The following ME3 variants were observed in gnomAD, a reference collection of about 807,000 sequenced individuals.
ME3 encodes NADP-dependent malic enzyme, mitochondrial.
In ME3, 48 loss-of-function variants were observed where a neutral mutation model predicts 68.9. The ratio of observed to expected loss-of-function variants is 0.70; its 90% CI spans 0.55 to 0.89. ME3 has a LOEUF of 0.89. Ranked by LOEUF, ME3 falls within the 40% of genes least tolerant of loss-of-function variation. ME3 has a pLI of 0.00. For synonymous variants in ME3, 320 were observed against 318.8 expected (o/e 1.00, Z -0.04); for missense variants, 675 against 797.4 (o/e 0.85, Z 1.85).
chr11:86,650,633 T>C (rs1594783739), intron 2 of ME3, among the ~76,000 whole-genome samples: 2 of 152,060 alleles, frequency 1.3e-5, no homozygotes, highest in African/African-American at 2.4e-5. Flanking sequence ...GATGGCCAAA[T>C]AGGAACAGCT....
chr11:86,603,608 G>T (rs1299081571), intron 2 of ME3, among the ~76,000 whole-genome samples: 1 of 152,066 alleles, frequency 6.6e-6, no homozygotes, highest in Non-Finnish European at 1.5e-5. Context: ...TATACCCAAA[G>T]GACTATAAAT....
chr11:86,506,877 T>C (rs188207395), intron 5 of ME3, among the ~76,000 whole-genome samples: 2 of 152,326 alleles, frequency 1.3e-5, no homozygotes, highest in East Asian at 1.9e-4. Flanking sequence ...GATTTTATTA[T>C]AGATTCATGC....
At chr11:86,498,244 A>T in intron 5 of ME3, 120 bp from the exon 6 acceptor site, 1 of 1,214,672 alleles carries the variant, frequency 8.2e-7, no homozygotes, top group Non-Finnish European at 1.1e-6. Context: ...GCCGGTGTGA[A>T]AGAGCTTGTC....
chr11:86,547,664 CA>C (rs879924183), intron 4 of ME3, among the ~76,000 whole-genome samples: 3 of 151,374 alleles, frequency 2.0e-5, no homozygotes, highest in Non-Finnish European at 4.4e-5. Flanking sequence ...AAACCAAAAA[CA>C]AAAAAAATAA....
chr11:86,663,847 A>G (rs1195570001), intron 2 of ME3, among the ~76,000 whole-genome samples: 1 of 152,238 alleles, frequency 6.6e-6, no homozygotes, highest in African/African-American at 2.4e-5. Flanking sequence ...AACGCCATAT[A>G]TGGAGCCCAG....
intron 4 of ME3, among the ~76,000 whole-genome samples, chr11:86,529,918 G>C (rs1285168749): frequency 6.6e-6 from 1 of 152,150 alleles, no homozygotes; most frequent in Non-Finnish European, 1.5e-5. Flanking sequence ...GGCAAAAGCT[G>C]GAAGCATTCC....
intron 2 of ME3, among the ~76,000 whole-genome samples, chr11:86,667,515 C>CA (rs1299087895): frequency 1.3e-5 from 2 of 152,112 alleles, no homozygotes; most frequent in Non-Finnish European, 2.9e-5. Context: ...GGAAAGGGGC[C>CA]ATGACATGAT....
At chr11:86,529,021 G>GGA (rs557608571) in intron 4 of ME3, among the ~76,000 whole-genome samples, 448 of 152,212 alleles carry the variant, frequency 2.9e-3, no homozygotes, top group African/African-American at 9.4e-3. Flanking sequence ...CTGAACTGAA[G>GGA]GAGAGAGAGA....
chr11:86,522,931 G>T (rs1478661370), intron 4 of ME3, among the ~76,000 whole-genome samples: 1 of 152,158 alleles, frequency 6.6e-6, no homozygotes, highest in Non-Finnish European at 1.5e-5. Flanking sequence ...TTATATCAGG[G>T]ATTTGAGCAT....
At chr11:86,571,818 G>T (rs539070979) in intron 2 of ME3, among the ~76,000 whole-genome samples, 12 of 152,312 alleles carry the variant, frequency 7.9e-5, no homozygotes, top group South Asian at 2.1e-4. Context: ...AGAGATTAAC[G>T]TAATGCAAGG....
chr11:86,600,966 A>T (rs1310581956), intron 2 of ME3, among the ~76,000 whole-genome samples: 2 of 151,330 alleles, frequency 1.3e-5, no homozygotes, highest in Non-Finnish European at 3.0e-5. Flanking sequence ...TGTAGAGGGA[A>T]ATTTATAGCA....
intron 2 of ME3, among the ~76,000 whole-genome samples, chr11:86,616,520 A>C (rs1018592801): frequency 2.6e-5 from 4 of 152,240 alleles, no homozygotes; most frequent in Non-Finnish European, 5.9e-5. Flanking sequence ...GTAGAATGAC[A>C]AATAGAATTA....
intron 7 of ME3, among the ~76,000 whole-genome samples, chr11:86,465,768 A>G (rs1950446049): frequency 6.6e-6 from 1 of 152,166 alleles, no homozygotes; most frequent in South Asian, 2.1e-4. Flanking sequence ...GCATTAAGAC[A>G]CTGTTATCTA....
chr11:86,561,557 A>G (rs1045669934), intron 2 of ME3, among the ~76,000 whole-genome samples: 1 of 152,258 alleles, frequency 6.6e-6, no homozygotes, highest in South Asian at 2.1e-4. Flanking sequence ...TGAATTCATT[A>G]CCACATGGAT....
At chr11:86,601,873 T>G (rs9667775) in intron 2 of ME3, among the ~76,000 whole-genome samples, 22,980 of 146,480 alleles carry the variant, frequency 0.16, 1,398 homozygotes, top group East Asian at 0.35. Context: ...TCTCAATAGA[T>G]GCAGAAAAGG....
At chr11:86,468,707 C>T (rs1340158452) in intron 7 of ME3, among the ~76,000 whole-genome samples, 2 of 152,160 alleles carry the variant, frequency 1.3e-5, no homozygotes, top group African/African-American at 4.8e-5. Flanking sequence ...CATCCAAATA[C>T]AGGTAATGAG....
At chr11:86,521,428 C>CAAAAAAAAA (rs1555221566) in intron 4 of ME3, among the ~76,000 whole-genome samples, 2 of 129,120 alleles carry the variant, frequency 1.5e-5, no homozygotes, top group African/African-American at 6.3e-5. Context: ...CAAAACAAAA[C>CAAAAAAAAA]AAAAATAATA....
chr11:86,575,009 A>G (rs1185212958), intron 2 of ME3, among the ~76,000 whole-genome samples: 2 of 120,644 alleles, frequency 1.7e-5, no homozygotes, highest in African/African-American at 7.6e-5. Context: ...GGCAGGGGCC[A>G]ACTTGTTCTC....
At chr11:86,467,856 T>C (rs1169617424) in intron 7 of ME3, among the ~76,000 whole-genome samples, 1 of 152,146 alleles carries the variant, frequency 6.6e-6, no homozygotes, top group Non-Finnish European at 1.5e-5. Context: ...TGGAGCAATT[T>C]GATGGAATAT....
Sources: allele counts gnomAD v4.1 joint callset (sites outside exome capture counted in the v4.1 genomes callset), GRCh38; gene constraint gnomAD v4.1.1; transcripts MANE v1.5; gene names NCBI Gene and HGNC (gene_info 2026-07-23, HGNC 2026-07-21).